SAMMSON: variants seen among roughly 807,000 people sequenced by gnomAD.
SAMMSON encodes the protein long intergenic non-protein coding RNA 1212.
intron 7 of SAMMSON, among the ~76,000 whole-genome samples, chr3:70,348,412 G>C (rs1054643864): frequency 1.2e-4 from 18 of 152,106 alleles, no homozygotes; most frequent in Non-Finnish European, 2.9e-5. Flanking sequence ...CAGCATGTTT[G>C]GGTTCTTGGT....
chr3:70,363,800 CTGTGTGTGTGTGTG>C (rs10542257), intron 9 of SAMMSON, among the ~76,000 whole-genome samples: 1 of 146,742 alleles, frequency 6.8e-6, no homozygotes, highest in Non-Finnish European at 1.5e-5. Context: ...ATTGCATTGT[CTGTGTGTGTGTGTG>C]TGTGTGTGTG....
At chr3:70,400,866 A>G (rs1701134696) in intron 2 of SAMMSON, among the ~76,000 whole-genome samples, 1 of 151,882 alleles carries the variant, frequency 6.6e-6, no homozygotes, top group Non-Finnish European at 1.5e-5. Flanking sequence ...TGGGAGGTAG[A>G]GGTTGTAGTG....
chr3:70,357,994 T>A (rs186338628), intron 8 of SAMMSON, among the ~76,000 whole-genome samples: 2 of 152,134 alleles, frequency 1.3e-5, no homozygotes, highest in Non-Finnish European at 2.9e-5. Flanking sequence ...TAAGATTAAG[T>A]ACCAGAAGGT....
At chr3:70,285,608 T>C (rs1278127897) in intron 6 of SAMMSON, among the ~76,000 whole-genome samples, 14 of 151,590 alleles carry the variant, frequency 9.2e-5, no homozygotes, top group Non-Finnish European at 5.9e-5. Flanking sequence ...GTATTTCTAG[T>C]TCTAGATCCC....
At chr3:70,191,215 G>T (rs1701129785) in intron 4 of SAMMSON, among the ~76,000 whole-genome samples, 1 of 152,154 alleles carries the variant, frequency 6.6e-6, no homozygotes, top group Non-Finnish European at 1.5e-5. Flanking sequence ...AATAAGTTGT[G>T]GCTTTGTAAA....
At chr3:70,029,488 T>C (rs996370720) in intron 3 of SAMMSON, among the ~76,000 whole-genome samples, 1 of 152,112 alleles carries the variant, frequency 6.6e-6, no homozygotes, top group African/African-American at 2.4e-5. Context: ...GCGTGGTAGC[T>C]CATGCCTGTA....
intron 4 of SAMMSON, among the ~76,000 whole-genome samples, chr3:70,243,126 G>C (rs1249928061): frequency 1.3e-5 from 2 of 152,076 alleles, no homozygotes; most frequent in Non-Finnish European, 2.9e-5. Context: ...TCCTTCTCTA[G>C]ACTATATTGT....
At chr3:70,142,912 T>C (rs538098290) in intron 4 of SAMMSON, among the ~76,000 whole-genome samples, 1 of 152,178 alleles carries the variant, frequency 6.6e-6, no homozygotes, top group South Asian at 2.1e-4. Context: ...TTAAGCATAC[T>C]TGAGTCCCTA....
intron 3 of SAMMSON, among the ~76,000 whole-genome samples, chr3:70,070,711 G>C (rs192709345): frequency 1.1e-4 from 16 of 152,116 alleles, no homozygotes; most frequent in Non-Finnish European, 2.1e-4. Flanking sequence ...ACAGATGGCA[G>C]TGATAGGCTC....
At chr3:70,365,137 C>T (rs1358360366) in intron 9 of SAMMSON, among the ~76,000 whole-genome samples, 1 of 151,622 alleles carries the variant, frequency 6.6e-6, no homozygotes, top group Non-Finnish European at 1.5e-5. Context: ...ATATTTTTGC[C>T]ATCCTAAAAG....
intron 4 of SAMMSON, among the ~76,000 whole-genome samples, chr3:70,168,380 G>GTTTGTAT (rs1471685366): frequency 6.6e-6 from 1 of 151,988 alleles, no homozygotes; most frequent in Non-Finnish European, 1.5e-5. Context: ...CAGGTCAGTA[G>GTTTGTAT]TGGCGCCTTT....
chr3:70,336,508 G>A (rs1169440382), intron 7 of SAMMSON, among the ~76,000 whole-genome samples: 2 of 151,962 alleles, frequency 1.3e-5, no homozygotes, highest in Admixed American at 6.6e-5. Context: ...CAATCTTGGA[G>A]GTTTGTGGGA....
intron 3 of SAMMSON, among the ~76,000 whole-genome samples, chr3:70,037,848 C>T (rs80061968): frequency 0.014 from 2,134 of 152,194 alleles, 24 homozygotes; most frequent in Middle Eastern, 0.051. Flanking sequence ...TTAAATCTTA[C>T]GTGGAGAGAG....
chr3:70,135,643 T>C lies in SAMMSON; in HGVS notation n.507+64078T>C, dbSNP rs368161129. 2.1e-4 allele frequency among the ~76,000 whole-genome samples: 32 copies of C among 152,288 alleles called. No homozygotes were observed. In the South Asian group the frequency reaches 6.0e-3, roughly 29 times the overall value. On this transcript the variant is annotated intron_variant and non_coding_transcript_variant, in intron 4 of 9. Transcript: ENST00000642114. ...GAAAGCAATCCTGTTCAATCTAATATCCAGAGACACCCACGGTTAATATCA... is the reference window on the plus strand; with the variant it reads ...GAAAGCAATCCTGTTCAATCTAATACCCAGAGACACCCACGGTTAATATCA...
At chr3:70,419,274 C>A (rs1216757002) in intron 2 of SAMMSON, among the ~76,000 whole-genome samples, 1 of 151,970 alleles carries the variant, frequency 6.6e-6, no homozygotes, top group African/African-American at 2.4e-5. Context: ...CTCAGGCGAT[C>A]CACCCGCCTC....
At chr3:70,421,597 G>C (rs1053429441) in intron 2 of SAMMSON, among the ~76,000 whole-genome samples, 3 of 152,086 alleles carry the variant, frequency 2.0e-5, no homozygotes, top group African/African-American at 7.2e-5. Flanking sequence ...GTTGCAATTA[G>C]AACCCACAGA....
At chr3:70,072,084 CTCTT>C (rs921927747) in intron 4 of SAMMSON, 16 of 151,918 alleles carry the variant, frequency 1.1e-4, no homozygotes, top group African/African-American at 3.4e-4. Context: ...GTACTCTCTC[CTCTT>C]TCTTTCTCCT....
downstream of SAMMSON, among the ~76,000 whole-genome samples, chr3:70,392,103 G>A (rs1701053803): frequency 6.6e-6 from 1 of 152,048 alleles, no homozygotes; most frequent in Admixed American, 6.6e-5. Flanking sequence ...ATATAATTTT[G>A]TTCTTTGACC....
intron 4 of SAMMSON, among the ~76,000 whole-genome samples, chr3:70,182,876 G>A (rs375634434): frequency 1.6e-4 from 24 of 150,656 alleles, no homozygotes; most frequent in African/African-American, 5.1e-4. Flanking sequence ...CATGCTTATG[G>A]CTCATAATTT....
Sources: gnomAD v4.1 joint callset for allele counts (sites outside exome capture counted in the v4.1 genomes callset) on GRCh38, gnomAD v4.1.1 for gene constraint, MANE v1.5 for transcripts, NCBI Gene and HGNC (gene_info 2026-07-23, HGNC 2026-07-21) for gene names.